DNAH7: variants seen among roughly 807,000 people sequenced by gnomAD.
DNAH7 encodes the protein dynein axonemal heavy chain 7.
A neutral mutation model predicts 444.6 loss-of-function variants in DNAH7; 397 were observed. The ratio of observed to expected loss-of-function variants is 0.89; its 90% CI spans 0.82 to 0.97. The LOEUF is 0.97. Among genes scored for constraint, DNAH7 ranks in the 50% least tolerant of loss-of-function variants. DNAH7 has a pLI of 0.00. For missense variants in DNAH7, 4,902 were observed against 4,800.8 expected (o/e 1.02, Z -0.62); for synonymous variants, 1,636 against 1,624.4 (o/e 1.01, Z -0.17).
chr2:195,958,083 T>C (rs982909569), intron 18 of DNAH7, among the ~76,000 whole-genome samples: 1 of 152,098 alleles, frequency 6.6e-6, no homozygotes, highest in African/African-American at 2.4e-5. Context: ...CAACACAGGT[T>C]TCAACTGTGT....
intron 10 of DNAH7, among the ~76,000 whole-genome samples, chr2:196,006,700 GGTA>G (rs930650445): frequency 4.0e-4 from 61 of 152,068 alleles, no homozygotes; most frequent in African/African-American, 1.4e-3. Context: ...AGTTTAGTAA[GGTA>G]GTAGAATACA....
chr2:195,829,666 C>T (rs565563029), intron 48 of DNAH7, among the ~76,000 whole-genome samples: 112 of 152,104 alleles, frequency 7.4e-4, no homozygotes, highest in African/African-American at 2.6e-3. Flanking sequence ...TATATATTTT[C>T]ATCCCCTACT....
At chr2:196,014,253 A>G (rs1468940277) in intron 9 of DNAH7, among the ~76,000 whole-genome samples, 6 of 152,188 alleles carry the variant, frequency 3.9e-5, no homozygotes, top group Non-Finnish European at 8.8e-5. Flanking sequence ...AGGATCAGGA[A>G]AAAAGATATT....
chr2:195,952,809 G>C (rs990775733), intron 19 of DNAH7, among the ~76,000 whole-genome samples: 1 of 151,900 alleles, frequency 6.6e-6, no homozygotes, highest in African/African-American at 2.4e-5. Context: ...CTCTACACTG[G>C]TTATTCTAGT....
chr2:196,027,989 T>A lies in DNAH7; in HGVS notation c.457A>T (p.Thr153Ser). The change falls in exon 6 of 65, where the codon ACC becomes TCC. Residue 153 changes from threonine to serine, a missense_variant. By Grantham distance (58) the Thr-to-Ser change is moderately conservative. Transcript: ENST00000312428. Reference protein sequence around the residue: ...VPDGSTIPKPTASAIEKDILR... With the variant: ...VPDGSTIPKPSASAIEKDILR... ...ATGTCTTTCTCTATAGCAGAAGCGGTCGGTTTTGGAATTGTGCTTCCATCA... is the reference window on the plus strand; with the variant it reads ...ATGTCTTTCTCTATAGCAGAAGCGGACGGTTTTGGAATTGTGCTTCCATCA... 1 of 1,612,238 alleles carries A rather than the reference T, an allele frequency of 6.2e-7. No homozygotes were observed.
chr2:195,878,112 A>G (rs1701162321), intron 36 of DNAH7, among the ~76,000 whole-genome samples: 1 of 152,246 alleles, frequency 6.6e-6, no homozygotes, highest in African/African-American at 2.4e-5. Context: ...TGAAGGAATG[A>G]CATGTCTGAG....
rs144050373 is a variant in DNAH7 at position 196,012,811 on chromosome 2, G to C, written c.965C>G (p.Ser322Cys). The C allele has an allele frequency of 7.8e-5, 125 of 1,594,408 alleles. 2 individuals carry two copies. In the African/African-American group the frequency reaches 1.4e-3, roughly 18 times the overall value. ...CATTTTAAGTAGAGTCTCTTTGGCA[G>C]AGTCCATGTGTCTCATGATAATGTT... The part of the protein sequence containing the change: ...FQNIIMRHMD[S>C]AKETLLKMWF... Residue 322 changes from serine to cysteine, a missense_variant, in exon 10 of 65, where the codon TCT becomes TGT. Coordinates refer to ENST00000312428, the MANE Select transcript of DNAH7 (RefSeq NM_018897.3).
At chr2:196,066,780 C>T (rs1479318749) in intron 1 of DNAH7, among the ~76,000 whole-genome samples, 1 of 151,606 alleles carries the variant, frequency 6.6e-6, no homozygotes, top group African/African-American at 2.4e-5. Flanking sequence ...TTACCACCTG[C>T]TCACTTTCTC....
At chr2:195,963,564 C>T (rs1334171717) in intron 17 of DNAH7, among the ~76,000 whole-genome samples, 1 of 152,124 alleles carries the variant, frequency 6.6e-6, no homozygotes, top group African/African-American at 2.4e-5. Flanking sequence ...TCTGGGTTGT[C>T]TCTTCATGTT....
At chr2:195,858,881 A>G in intron 42 of DNAH7, 77 bp from the exon 43 acceptor site, 1 of 1,272,010 alleles carries the variant, frequency 7.9e-7, no homozygotes. Context: ...AGTGTTTCTG[A>G]GCTTTCTAGG....
At chr2:196,052,712 C>G (rs1325755401) in intron 2 of DNAH7, among the ~76,000 whole-genome samples, 1 of 152,126 alleles carries the variant, frequency 6.6e-6, no homozygotes. Flanking sequence ...GGATGTGGAG[C>G]AGAGTATTCT....
At chr2:195,931,200 A>T (rs1688670571) in intron 21 of DNAH7, among the ~76,000 whole-genome samples, 1 of 152,116 alleles carries the variant, frequency 6.6e-6, no homozygotes, top group Admixed American at 6.6e-5. Context: ...TTAAAAAAAT[A>T]AAAATTTAGC....
chr2:195,876,679 T>C lies in DNAH7; in HGVS notation c.5982A>G (p.Leu1994=). 1 of 1,597,110 alleles carries C rather than the reference T, an allele frequency of 6.3e-7. No homozygotes were observed. Among genetic ancestry groups the C allele is most frequent in the Admixed American group, 1.7e-5 (1 of 58,656 alleles). Reference sequence around the variant, plus strand: ...GCAGAGGTTTGTAGATTTCCTTATTTAGTTGATTTAAAAGAAAATTCTATA... The same window carrying C: ...GCAGAGGTTTGTAGATTTCCTTATTCAGTTGATTTAAAAGAAAATTCTATA... ...VYITNFLLNQ[L]NKEIYKPLLI... is the part of the protein sequence containing the mutation. Residue 1994 remains leucine (L), a synonymous_variant, in exon 37 of 65, where the codon CTA becomes CTG. Transcript: ENST00000312428.
At chr2:196,036,637 GC>G (rs1374528499) in intron 5 of DNAH7, among the ~76,000 whole-genome samples, 1 of 152,116 alleles carries the variant, frequency 6.6e-6, no homozygotes, top group Non-Finnish European at 1.5e-5. Flanking sequence ...GGACCAGCCT[GC>G]CCACCCCACT....
chr2:195,782,014 C>G (rs1384897830), intron 58 of DNAH7, among the ~76,000 whole-genome samples: 1 of 148,674 alleles, frequency 6.7e-6, no homozygotes, highest in Non-Finnish European at 1.5e-5. Context: ...CACACACACA[C>G]ACAGACACAC....
intron 14 of DNAH7, among the ~76,000 whole-genome samples, chr2:195,986,565 GTA>G (rs1692925588): frequency 6.6e-6 from 1 of 152,144 alleles, no homozygotes. Context: ...TTATACACTA[GTA>G]TTCTGTGAGT....
At chr2:195,844,050 CGCACCACT>C (rs1698841671) in intron 47 of DNAH7, among the ~76,000 whole-genome samples, 1 of 151,880 alleles carries the variant, frequency 6.6e-6, no homozygotes, top group Admixed American at 6.6e-5. Flanking sequence ...GAGCCAAGAT[CGCACCACT>C]GCACTCCAGC....
At position 196,026,750 on chromosome 2, in the gene DNAH7, A is replaced by T. The variant is rs762611925; in HGVS notation, c.667+10T>A. 1 of 1,582,502 alleles carries T rather than the reference A, an allele frequency of 6.3e-7. No individual in the cohort carries two copies. The highest frequency in any genetic ancestry group is 8.6e-7 in the Non-Finnish European group (1 of 1,156,308). ...TTTGAATTAAAAATCAAAGCATAAT[A>T]CCAATTTACCTATGGATTTCCTTAC... On this transcript the variant is annotated intron_variant, in intron 7 of 64. Transcript: ENST00000312428.
At chr2:196,037,296 A>G (rs180968497) in intron 5 of DNAH7, among the ~76,000 whole-genome samples, 1 of 152,362 alleles carries the variant, frequency 6.6e-6, no homozygotes, top group East Asian at 1.9e-4. Flanking sequence ...AGTGACAGTT[A>G]TAACAGATGC....
Sources: gnomAD v4.1 joint callset for allele counts (sites outside exome capture counted in the v4.1 genomes callset) on GRCh38, gnomAD v4.1.1 for gene constraint, MANE v1.5 for transcripts, NCBI Gene and HGNC (gene_info 2026-07-23, HGNC 2026-07-21) for gene names.